The following PRKCH variants were observed in gnomAD, a reference collection of about 807,000 sequenced individuals.
The protein encoded by PRKCH is protein kinase C eta type.
A neutral mutation model predicts 82.5 loss-of-function variants in PRKCH; 28 were observed. That is an observed-to-expected ratio of 0.34 (90% CI 0.25 to 0.47). PRKCH has a LOEUF of 0.47. PRKCH is among the 20% of genes least tolerant of loss of function. The pLI, the probability that PRKCH is intolerant of heterozygous loss-of-function variation, is 1.00. For missense variants in PRKCH, 705 were observed against 881.8 expected (o/e 0.80, Z 2.54); for synonymous variants, 322 against 327.4 (o/e 0.98, Z 0.18).
intron 1 of PRKCH, among the ~76,000 whole-genome samples, chr14:61,346,649 C>T (rs896987979): frequency 2.6e-5 from 4 of 152,166 alleles, no homozygotes; most frequent in African/African-American, 9.7e-5. Flanking sequence ...GAAACAGATA[C>T]ATAAACACTT....
intron 1 of PRKCH, among the ~76,000 whole-genome samples, chr14:61,190,929 G>T (rs571197400): frequency 6.1e-4 from 93 of 151,988 alleles, no homozygotes; most frequent in Non-Finnish European, 1.3e-3. Flanking sequence ...TCAAATGAAT[G>T]AACCCACAAT....
intron 10 of PRKCH, among the ~76,000 whole-genome samples, chr14:61,513,839 C>T (rs919063405): frequency 1.3e-5 from 2 of 152,052 alleles, no homozygotes; most frequent in Non-Finnish European, 2.9e-5. Context: ...CTTTGAGTAG[C>T]ATTGCCCTGG....
intron 10 of PRKCH, among the ~76,000 whole-genome samples, chr14:61,509,494 G>A (rs1435915975): frequency 6.6e-6 from 1 of 152,072 alleles, no homozygotes; most frequent in Non-Finnish European, 1.5e-5. Context: ...AGTCTACTGG[G>A]AATTCTAAAC....
chr14:61,434,759 T>G (rs1031595434), intron 2 of PRKCH, among the ~76,000 whole-genome samples: 1 of 152,294 alleles, frequency 6.6e-6, no homozygotes, highest in South Asian at 2.1e-4. Context: ...GAGTGGCTCA[T>G]GCCTGTAATC....
At position 61,470,684 on chromosome 14, in the gene PRKCH, T is replaced by C. The variant is rs1042949740; in HGVS notation, c.1278+13005T>C. Among the ~76,000 whole-genome samples, 8 of 152,236 alleles carry C rather than the reference T, an allele frequency of 5.3e-5. No individual in the cohort carries two copies. In the South Asian group the frequency reaches 1.5e-3, roughly 28 times the overall value. ...TTAGCTCACTCCTGCCCACTTCTGGTCTTGAATGACTTATGGCTTAGGTGT... is the reference window on the plus strand; with the variant it reads ...TTAGCTCACTCCTGCCCACTTCTGGCCTTGAATGACTTATGGCTTAGGTGT... On this transcript the variant is annotated intron_variant, in intron 9 of 13. Transcript: ENST00000332981.
intron 10 of PRKCH, among the ~76,000 whole-genome samples, chr14:61,507,913 GTACATCT>G (rs1218008402): frequency 1.3e-5 from 2 of 151,978 alleles, no homozygotes; most frequent in Admixed American, 1.3e-4. Flanking sequence ...TGCTAAGAGA[GTACATCT>G]TAAGTGCTCT....
At chr14:61,478,264 G>A (rs905624178) in intron 9 of PRKCH, among the ~76,000 whole-genome samples, 4 of 152,164 alleles carry the variant, frequency 2.6e-5, no homozygotes, top group African/African-American at 9.7e-5. Flanking sequence ...GCAGAAGTGA[G>A]TTTTGTGAGA....
chr14:61,505,364 C>G (rs1887091031), intron 10 of PRKCH, among the ~76,000 whole-genome samples: 1 of 133,024 alleles, frequency 7.5e-6, no homozygotes, highest in Non-Finnish European at 1.6e-5. Flanking sequence ...AGAGAGCTCT[C>G]TAGGATTTGT....
chr14:61,433,013 A>G (rs976587852), intron 2 of PRKCH, among the ~76,000 whole-genome samples: 13 of 136,898 alleles, frequency 9.5e-5, no homozygotes, highest in South Asian at 7.0e-4. Flanking sequence ...CCTGTCCTCT[A>G]AGTTCCCTCC....
At chr14:61,353,088 A>G (rs1285227090) in intron 1 of PRKCH, among the ~76,000 whole-genome samples, 2 of 152,196 alleles carry the variant, frequency 1.3e-5, no homozygotes, top group African/African-American at 4.8e-5. Flanking sequence ...TTGACAACAA[A>G]TGTTACAAAA....
chr14:61,498,625 C>G (rs983782774), intron 10 of PRKCH, among the ~76,000 whole-genome samples: 3 of 152,166 alleles, frequency 2.0e-5, no homozygotes, highest in South Asian at 4.1e-4. Context: ...CATGAGGGCT[C>G]TCTTCCTGGC....
rs1886885893 is a variant in PRKCH at position 61,501,097 on chromosome 14, C to G, written c.1433+15441C>G. Among the ~76,000 whole-genome samples the G allele has an allele frequency of 3.9e-5, 6 of 152,266 alleles. No individual in the cohort carries two copies. The South Asian group carries it at 1.2e-3, about 32-fold the overall frequency. On this transcript the variant is annotated intron_variant, in intron 10 of 13. Coordinates refer to ENST00000332981, the MANE Select transcript of PRKCH (RefSeq NM_006255.5). ...TCTTTAATTCTCTAAGCCTCCGTTT[C>G]TTAATCTACATGAGGATAACAGTAC...
At position 61,370,186 on chromosome 14, in the gene PRKCH, G is replaced by A. The variant is rs187881140; in HGVS notation, c.364-21039G>A. 2.1e-3 allele frequency among the ~76,000 whole-genome samples: 318 copies of A among 152,086 alleles called. 7 individuals are homozygous for A. Among genetic ancestry groups the A allele is most frequent in the African/African-American group, 7.1e-3 (295 of 41,420 alleles). The stretch of plus-strand genomic sequence containing the variant: ...TCGAACTCCTGACCTCAAGTGATCC[G>A]CCTGCCTCGGCCTCCCAAAGCGTTG... On this transcript the variant is annotated intron_variant, in intron 1 of 13. Transcript: ENST00000332981.
chr14:61,273,112 C>T (rs186180020), intron 1 of PRKCH, among the ~76,000 whole-genome samples: 64 of 152,298 alleles, frequency 4.2e-4, no homozygotes, highest in Admixed American at 2.1e-3. Context: ...TAATATTCCA[C>T]GGTTTCCTAT....
At chr14:61,323,154 C>T (rs2045652350) in intron 1 of PRKCH, among the ~76,000 whole-genome samples, 1 of 152,130 alleles carries the variant, frequency 6.6e-6, no homozygotes, top group Non-Finnish European at 1.5e-5. Context: ...TGTAAGGACT[C>T]CTCAGGAGGT....
intron 9 of PRKCH, among the ~76,000 whole-genome samples, chr14:61,483,538 A>G (rs187521194): frequency 6.6e-6 from 1 of 152,302 alleles, no homozygotes. Flanking sequence ...GTGTTTAATA[A>G]ATTCAGGGGA....
intron 1 of PRKCH, among the ~76,000 whole-genome samples, chr14:61,343,151 C>T (rs980186331): frequency 1.3e-5 from 2 of 152,202 alleles, no homozygotes; most frequent in African/African-American, 4.8e-5. Context: ...GCCTGATTGG[C>T]GTTTCCAGTA....
At chr14:61,482,583 C>G (rs1463950035) in intron 9 of PRKCH, among the ~76,000 whole-genome samples, 1 of 152,170 alleles carries the variant, frequency 6.6e-6, no homozygotes, top group East Asian at 1.9e-4. Context: ...GCCTGTGTCT[C>G]CTGCCTGCTT....
chr14:61,261,591 G>C (rs535142509), intron 1 of PRKCH, among the ~76,000 whole-genome samples: 2 of 152,240 alleles, frequency 1.3e-5, no homozygotes, highest in Non-Finnish European at 2.9e-5. Flanking sequence ...GCAGGGGAAG[G>C]CTCTCTTGCT....
Sources: allele counts gnomAD v4.1 joint callset (sites outside exome capture counted in the v4.1 genomes callset), GRCh38; gene constraint gnomAD v4.1.1; transcripts MANE v1.5; gene names NCBI Gene and HGNC (gene_info 2026-07-23, HGNC 2026-07-21).